Variants in LURAP1L observed in about 807,000 individuals in gnomAD.
LURAP1L encodes the protein leucine rich adaptor protein 1-like.
LURAP1L carries 12 observed loss-of-function variants against 13.8 expected under a neutral mutation model. The ratio of observed to expected loss-of-function variants is 0.87; its 90% confidence interval spans 0.56 to 1.41. The LOEUF is 1.41. Ranked by LOEUF, LURAP1L falls within the 40% of genes most tolerant of loss-of-function variation. The pLI, the probability that LURAP1L is intolerant of heterozygous loss-of-function variation, is 0.00. For missense variants in LURAP1L, 375 were observed against 292.9 expected, an observed-to-expected ratio of 1.28 and a Z score of -2.04; for synonymous variants, 139 against 119.2, an observed-to-expected ratio of 1.17 and a Z score of -1.08.
At chr9:12,788,187 G>GAAAGAAATAAAGA (rs374048758) in intron 1 of LURAP1L, among the ~76,000 whole-genome samples, 5 of 136,704 alleles carry the variant, frequency 3.7e-5, no homozygotes, top group African/African-American at 1.3e-4. Flanking sequence ...AAGAAAGAAA[G>GAAAGAAATAAAGA]AAAGAAAAGA....
chr9:12,791,618 T>C (rs1031955439), intron 1 of LURAP1L, among the ~76,000 whole-genome samples: 2 of 151,724 alleles, frequency 1.3e-5, no homozygotes, highest in Non-Finnish European at 2.9e-5. Flanking sequence ...ACATTTTATA[T>C]TGACCTTTCT....
chr9:12,812,543 C>T (rs16929590), intron 1 of LURAP1L, among the ~76,000 whole-genome samples: 2,203 of 152,218 alleles, frequency 0.014, 51 homozygotes, highest in African/African-American at 0.05. Flanking sequence ...TACTAAAGCA[C>T]TACTGGGCTG....
chr9:12,787,948 C>T (rs568504618), intron 1 of LURAP1L, among the ~76,000 whole-genome samples: 1 of 151,968 alleles, frequency 6.6e-6, no homozygotes, highest in East Asian at 1.9e-4. Flanking sequence ...CCCGTCTCTG[C>T]TAAAAATACA....
At chr9:12,779,266 CTTTTTTT>C (rs71329885) in intron 1 of LURAP1L, among the ~76,000 whole-genome samples, 46 of 90,286 alleles carry the variant, frequency 5.1e-4, no homozygotes, top group African/African-American at 1.6e-3. Context: ...ATCTTATAAT[CTTTTTTT>C]TTTTTTTTTT....
At chr9:12,809,928 T>C (rs1819713894) in intron 1 of LURAP1L, among the ~76,000 whole-genome samples, 1 of 152,204 alleles carries the variant, frequency 6.6e-6, no homozygotes, top group Admixed American at 6.5e-5. Flanking sequence ...CCTGTTATTA[T>C]ACAATAGCCT....
chr9:12,785,946 C>G (rs1439594896), intron 1 of LURAP1L, among the ~76,000 whole-genome samples: 2 of 152,040 alleles, frequency 1.3e-5, no homozygotes, highest in Non-Finnish European at 2.9e-5. Context: ...CCGTCTTGCT[C>G]CACTTCTCTC....
At chr9:12,781,456 T>C (rs1819269479) in intron 1 of LURAP1L, among the ~76,000 whole-genome samples, 2 of 152,140 alleles carry the variant, frequency 1.3e-5, no homozygotes. Context: ...CCTAGCTCCA[T>C]GAGTTCAACT....
chr9:12,781,157 G>C (rs1453274302), intron 1 of LURAP1L, among the ~76,000 whole-genome samples: 1 of 152,106 alleles, frequency 6.6e-6, no homozygotes, highest in Non-Finnish European at 1.5e-5. Context: ...TTTTAGTAGA[G>C]ATGGGGTTTC....
chr9:12,806,997 G>C (rs929275626), intron 1 of LURAP1L, among the ~76,000 whole-genome samples: 1 of 134,416 alleles, frequency 7.4e-6, no homozygotes, highest in Non-Finnish European at 1.5e-5. Context: ...CTCCAGCCTG[G>C]GCGACAGAGC....
At chr9:12,799,722 T>C (rs989009132) in intron 1 of LURAP1L, among the ~76,000 whole-genome samples, 2 of 151,830 alleles carry the variant, frequency 1.3e-5, no homozygotes, top group Non-Finnish European at 2.9e-5. Context: ...CTACTAAAAA[T>C]ACAAAAATTA....
At chr9:12,807,801 C>T (rs185397210) in intron 1 of LURAP1L, among the ~76,000 whole-genome samples, 1,636 of 152,062 alleles carry the variant, frequency 0.011, 11 homozygotes, top group Non-Finnish European at 0.016. Flanking sequence ...TCTTCCACTT[C>T]TCTGGTTTTA....
chr9:12,800,709 C>A (rs1235239051), intron 1 of LURAP1L, among the ~76,000 whole-genome samples: 1 of 152,140 alleles, frequency 6.6e-6, no homozygotes, highest in South Asian at 2.1e-4. Context: ...GAGCTCAAAT[C>A]ATCACCTTCT....
intron 1 of LURAP1L, among the ~76,000 whole-genome samples, chr9:12,802,439 C>A (rs1263344166): frequency 6.6e-6 from 1 of 152,078 alleles, no homozygotes; most frequent in East Asian, 1.9e-4. Context: ...GTGACACATC[C>A]CCCACTCTCT....
intron 1 of LURAP1L, among the ~76,000 whole-genome samples, chr9:12,813,581 G>T (rs1211341511): frequency 2.0e-5 from 3 of 152,084 alleles, no homozygotes; most frequent in Non-Finnish European, 4.4e-5. Flanking sequence ...AAGTGATAGA[G>T]AAAATTTTAA....
intron 1 of LURAP1L, among the ~76,000 whole-genome samples, chr9:12,781,933 G>A (rs1819277762): frequency 6.6e-6 from 1 of 152,050 alleles, no homozygotes; most frequent in Admixed American, 6.5e-5. Context: ...ATTGTTTGTT[G>A]TTTGGATAAA....
chr9:12,808,850 G>C (rs1819698408), intron 1 of LURAP1L, among the ~76,000 whole-genome samples: 1 of 151,960 alleles, frequency 6.6e-6, no homozygotes, highest in South Asian at 2.1e-4. Flanking sequence ...CATTATACAT[G>C]TGTTATTCTG....
At position 12,822,531 on chromosome 9, in the gene LURAP1L, T is replaced by C. The variant is rs1819895328; in HGVS notation, c.*771T>C. Among the ~76,000 whole-genome samples the C allele has an allele frequency of 6.6e-6, 1 of 152,242 alleles. No homozygotes were observed. The highest frequency in any genetic ancestry group is 1.5e-5 in the Non-Finnish European group (1 of 68,038). ...TAAATTTAATTGCATTTTGAGATTT[T>C]GTTGGCATTTACTTGTATGTATTTT... On this transcript the variant is annotated 3_prime_UTR_variant, in exon 2 of 2. Coordinates refer to ENST00000319264, the MANE Select transcript of LURAP1L (RefSeq NM_203403.2).
chr9:12,776,088 T>C, intron 1 of LURAP1L, 61 bp downstream of exon 1: 1 of 1,512,566 alleles, frequency 6.6e-7, no homozygotes, highest in Non-Finnish European at 9.1e-7. Flanking sequence ...GATGGGGCGA[T>C]CTGAGAATGG....
chr9:12,805,650 A>T (rs1819646970), intron 1 of LURAP1L, among the ~76,000 whole-genome samples: 1 of 152,206 alleles, frequency 6.6e-6, no homozygotes. Flanking sequence ...TATTCTCATC[A>T]TCCTAATATA....
Sources: gnomAD v4.1 joint callset for allele counts (sites outside exome capture counted in the v4.1 genomes callset) on GRCh38, gnomAD v4.1.1 for gene constraint, MANE v1.5 for transcripts, NCBI Gene and HGNC (gene_info 2026-07-23, HGNC 2026-07-21) for gene names.